Variants in FBXL20 observed in about 807,000 individuals in gnomAD.
The protein encoded by FBXL20 is F-box/LRR-repeat protein 20.
Under a neutral mutation model 64.0 loss-of-function variants are expected in FBXL20, and 11 were observed. The observed-to-expected ratio is 0.17, with a 90% CI of 0.11 to 0.28. The LOEUF (loss-of-function observed/expected upper bound fraction) is 0.28, where lower values mean the gene tolerates loss of function less well. Among genes scored for constraint, FBXL20 ranks in the 10% least tolerant of loss-of-function variants. FBXL20 has a pLI of 1.00. For missense variants in FBXL20, 303 were observed against 526.2 expected, an observed-to-expected ratio of 0.58 and a Z score of 4.15; for synonymous variants, 184 against 189.0, an observed-to-expected ratio of 0.97 and a Z score of 0.22.
intron 2 of FBXL20, among the ~76,000 whole-genome samples, chr17:39,341,081 C>T (rs1259387476): frequency 6.6e-6 from 1 of 150,456 alleles, no homozygotes; most frequent in African/African-American, 2.4e-5. Flanking sequence ...ACTTTACATA[C>T]ATAAACCAAT....
At chr17:39,324,241 T>C (rs1314787347) in intron 2 of FBXL20, among the ~76,000 whole-genome samples, 1 of 149,848 alleles carries the variant, frequency 6.7e-6, no homozygotes, top group Non-Finnish European at 1.5e-5. Flanking sequence ...CAGATTCCTC[T>C]AGGTGAGAGA....
intron 1 of FBXL20, among the ~76,000 whole-genome samples, chr17:39,361,868 T>G (rs2047798134): frequency 6.6e-6 from 1 of 150,912 alleles, no homozygotes; most frequent in South Asian, 2.1e-4. Flanking sequence ...AAGGCTGAGG[T>G]ATGAGGACTG....
chr17:39,277,822 G>T (rs552955635), intron 9 of FBXL20, among the ~76,000 whole-genome samples: 9 of 148,418 alleles, frequency 6.1e-5, no homozygotes, highest in Non-Finnish European at 1.2e-4. Flanking sequence ...TCAAGAAAAT[G>T]AAAGCATCAA....
In FBXL20 at chr17:39,270,873, A is replaced by C. The variant is rs753133708; in HGVS notation, c.828-17T>G. On this transcript the variant is annotated splice_polypyrimidine_tract_variant and intron_variant, in intron 10 of 14. Transcript: ENST00000264658. Reference sequence around the variant, plus strand: ...TCCAATATTCTGTTAAAAAAAAAAAAAAAACAGTGAAAGTCAAGCTCTTGG... The same window carrying C: ...TCCAATATTCTGTTAAAAAAAAAAACAAAACAGTGAAAGTCAAGCTCTTGG... 2.0e-5 allele frequency: 32 copies of C among 1,580,998 alleles called. No individual in the cohort carries two copies. In the Middle Eastern group the frequency reaches 5.0e-4, roughly 25 times the overall value.
At chr17:39,334,020 C>T (rs938680045) in intron 2 of FBXL20, among the ~76,000 whole-genome samples, 3 of 152,190 alleles carry the variant, frequency 2.0e-5, no homozygotes, top group East Asian at 3.9e-4. Context: ...GCAGTTTGGT[C>T]GAACAGAAAA....
At chr17:39,383,190 A>G (rs1220272876) in intron 1 of FBXL20, among the ~76,000 whole-genome samples, 1 of 151,842 alleles carries the variant, frequency 6.6e-6, no homozygotes, top group Non-Finnish European at 1.5e-5. Flanking sequence ...GAAAAACTGA[A>G]ATATTCATAT....
At position 39,255,967 on chromosome 17, in the gene FBXL20, T is replaced by C. The variant is rs1337575187; in HGVS notation, c.*5493A>G. 6.6e-6 allele frequency: 1 copy of C among 152,222 alleles called. No homozygotes were observed. Among genetic ancestry groups the C allele is most frequent in the Non-Finnish European group, 1.5e-5 (1 of 68,046 alleles). The allele number at this position is 152,222 out of a possible 1,614,324, so 9.4% of individuals were successfully genotyped here. ...ATTCCTAAACTACCTGGGCTAATTA[T>C]ACCCTACTGGTATGATTTTATACAG... On this transcript the variant is annotated 3_prime_UTR_variant, in exon 15 of 15. Coordinates refer to ENST00000264658, the MANE Select transcript of FBXL20 (RefSeq NM_032875.3).
At chr17:39,382,842 T>C (rs1279017258) in intron 1 of FBXL20, among the ~76,000 whole-genome samples, 2 of 151,608 alleles carry the variant, frequency 1.3e-5, no homozygotes. Flanking sequence ...TTGTCTCTAA[T>C]AAGATAAACT....
chr17:39,284,421 C>T (rs1238340765), intron 7 of FBXL20, among the ~76,000 whole-genome samples: 1 of 152,184 alleles, frequency 6.6e-6, no homozygotes, highest in East Asian at 1.9e-4. Flanking sequence ...CGTTCTGTTG[C>T]CCAGCCTGGA....
chr17:39,290,250 G>A (rs2047026402), intron 6 of FBXL20, among the ~76,000 whole-genome samples: 1 of 151,810 alleles, frequency 6.6e-6, no homozygotes, highest in Non-Finnish European at 1.5e-5. Flanking sequence ...ATAGAATTGA[G>A]TTTTTGCAAA....
At chr17:39,353,428 A>C (rs1290549007) in intron 1 of FBXL20, among the ~76,000 whole-genome samples, 1 of 152,100 alleles carries the variant, frequency 6.6e-6, no homozygotes, top group East Asian at 1.9e-4. Context: ...CTATTTTATT[A>C]GTTATTTTTG....
At chr17:39,281,513 A>G (rs1236415249) in intron 8 of FBXL20, 50 bp from the exon 9 acceptor site, 2 of 1,490,492 alleles carry the variant, frequency 1.3e-6, no homozygotes, top group Non-Finnish European at 1.9e-6. Flanking sequence ...ATTGTCTCAA[A>G]GGAAAGAGAT....
At chr17:39,342,029 A>G (rs1160898516) in intron 2 of FBXL20, among the ~76,000 whole-genome samples, 1 of 152,092 alleles carries the variant, frequency 6.6e-6, no homozygotes, top group Non-Finnish European at 1.5e-5. Flanking sequence ...CCCCACTCCT[A>G]TCCCGCAATT....
At chr17:39,365,759 A>G (rs1381037401) in intron 1 of FBXL20, among the ~76,000 whole-genome samples, 1 of 152,242 alleles carries the variant, frequency 6.6e-6, no homozygotes, top group East Asian at 1.9e-4. Flanking sequence ...GAAGAACTGA[A>G]TATGACTGAA....
At chr17:39,305,038 G>A (rs1179655523) in intron 2 of FBXL20, among the ~76,000 whole-genome samples, 4 of 151,932 alleles carry the variant, frequency 2.6e-5, no homozygotes, top group Admixed American at 6.6e-5. Context: ...GATTACAGGC[G>A]TGAGCCACCA....
chr17:39,337,713 T>C (rs1262900776), intron 2 of FBXL20, among the ~76,000 whole-genome samples: 8 of 144,192 alleles, frequency 5.5e-5, no homozygotes, highest in East Asian at 2.3e-4. Flanking sequence ...CGCCCGGCAG[T>C]TGCCCCGTCT....
Position 39,343,146 on chromosome 17 carries a change from T to TA in FBXL20, c.104+33dup, listed in dbSNP as rs763334737. On this transcript the variant is annotated intron_variant, in intron 2 of 14. Coordinates refer to ENST00000264658, the MANE Select transcript of FBXL20 (RefSeq NM_032875.3). ...TAAACAGGCAAATATGACATACACATAAAAAAACCCATAAAATTAGCATTC... is the reference window on the plus strand; with the variant it reads ...TAAACAGGCAAATATGACATACACATAAAAAAAACCCATAAAATTAGCATTC... 6.9e-5 allele frequency: 105 copies of TA among 1,529,216 alleles called. No homozygotes were observed. In the African/African-American group the frequency reaches 8.7e-4, roughly 13 times the overall value. 94.7% of individuals were successfully genotyped at this position (1,529,216 alleles called of 1,614,324 possible). A position where few individuals can be genotyped will look rare whatever the true frequency, so the allele number is the denominator to read the frequency against.
In FBXL20 at chr17:39,300,987, C is replaced by T. The variant is rs1476255068; in HGVS notation, c.234+14G>A. 4.3e-6 allele frequency: 7 copies of T among 1,613,072 alleles called. No homozygotes were observed. Among genetic ancestry groups the T allele is most frequent in the Non-Finnish European group, 5.9e-6 (7 of 1,179,258 alleles). ...CTAACATGAAAACTGGGGCCACACA[C>T]CACATAATTATACCTCAATATCCCT... On this transcript the variant is annotated intron_variant, in intron 4 of 14. Transcript: ENST00000264658.
chr17:39,338,535 A>AAT (rs2047551265), intron 2 of FBXL20, among the ~76,000 whole-genome samples: 9 of 151,334 alleles, frequency 5.9e-5, no homozygotes, highest in Admixed American at 3.9e-4. Context: ...GATCAATAAA[A>AAT]AATAATAATA....
Sources: gnomAD v4.1 joint callset for allele counts (sites outside exome capture counted in the v4.1 genomes callset) on GRCh38, gnomAD v4.1.1 for gene constraint, MANE v1.5 for transcripts, NCBI Gene and HGNC (gene_info 2026-07-23, HGNC 2026-07-21) for gene names.